Variants in GTPBP1 observed in about 807,000 individuals in gnomAD.
The protein encoded by GTPBP1 is GTP-binding protein 1.
GTPBP1 carries 23 observed loss-of-function variants against 62.0 expected under a neutral mutation model. The ratio of observed to expected loss-of-function variants is 0.37; its 90% confidence interval spans 0.27 to 0.53. The LOEUF (loss-of-function observed/expected upper bound fraction) is 0.53. Ranked by LOEUF, GTPBP1 falls within the 20% of genes least tolerant of loss-of-function variation. The pLI is 0.89. For missense variants in GTPBP1, 640 were observed against 917.3 expected (o/e 0.70, Z 3.90); for synonymous variants, 344 against 364.4 (o/e 0.94, Z 0.64).
At chr22:38,740,165 C>G (rs2092842415), downstream of GTPBP1, 1 of 1,396,852 alleles carries the variant, frequency 7.2e-7, no homozygotes, top group Admixed American at 2.8e-5. This position sits in a 1 kb window ranked among gnomAD's most constrained non-coding sequence, Gnocchi z 4.8. Context: ...TTGGGCATAA[C>G]AGAGGCTGCA....
chr22:38,742,374 A>G, downstream of GTPBP1: 1 of 1,613,138 alleles, frequency 6.2e-7, no homozygotes, highest in Non-Finnish European at 8.5e-7. Flanking sequence ...TAGCCCCTCC[A>G]GCAGCGCCAG....
In GTPBP1 at chr22:38,733,327, GCAGTACTTGC is replaced by G. The variant is rs2092773285; in HGVS notation, c.*2627_*2636del. The G allele has an allele frequency of 6.6e-6, 1 of 152,290 alleles. No individual in the cohort carries two copies. Among genetic ancestry groups the G allele is most frequent in the Admixed American group, 6.5e-5 (1 of 15,288 alleles). The allele number at this position is 152,290 out of a possible 1,614,324, so 9.4% of individuals were successfully genotyped here. A position where few individuals can be genotyped will look rare whatever the true frequency, so the allele number is the denominator to read the frequency against. On this transcript the variant is annotated 3_prime_UTR_variant, in exon 12 of 12. Coordinates refer to ENST00000216044, the MANE Select transcript of GTPBP1 (RefSeq NM_004286.5). ...AACTCTTTGCCCCTACAAACAAACA[GCAGTACTTGC>G]CAGAACCATTCTTGGGATTCAGGAG...
chr22:38,714,813 A>C (rs544968131), intron 2 of GTPBP1, among the ~76,000 whole-genome samples: 105 of 152,262 alleles, frequency 6.9e-4, no homozygotes, highest in Non-Finnish European at 1.3e-3. Context: ...GGGTGCTCTC[A>C]GAGACAGGAC....
rs748180989 is a variant in GTPBP1, at chr22:38,708,941, A to C, written c.289A>C (p.Ile97Leu). The C allele has an allele frequency of 2.1e-5, 33 of 1,582,224 alleles. No individual in the cohort carries two copies. The highest frequency in any genetic ancestry group is 8.7e-6 in the Non-Finnish European group (10 of 1,150,938). Residue 97 changes from isoleucine to leucine, a missense_variant, in exon 2 of 12, where the codon ATT becomes CTT. Physicochemically the swap from Ile to Leu is conservative, Grantham distance 5. Around this residue, in one of 4 missense-constraint regions of GTPBP1, gnomAD observed 215 missense variants for 235.1 expected, o/e 0.91. Transcript: ENST00000216044. ...DEGCGETIYV[I>L]GQGSDGTEYG... ...GGGATGCGGAGAGACCATATATGTC[A>C]TTGGGCAGGGATCAGGTGAGCATAG...
intron 4 of GTPBP1, 57 bp from the exon 5 acceptor site, chr22:38,721,685 A>C: frequency 6.4e-7 from 1 of 1,552,842 alleles, no homozygotes. Flanking sequence ...CCCTGTGTCC[A>C]CCCAGCAGCA....
At chr22:38,711,345 A>G (rs963006772) in intron 2 of GTPBP1, among the ~76,000 whole-genome samples, 2 of 152,174 alleles carry the variant, frequency 1.3e-5, no homozygotes, top group Non-Finnish European at 2.9e-5. Context: ...AGGATCTGGA[A>G]CCTGGCAGGC....
intron 4 of GTPBP1, 64 bp downstream of exon 4, chr22:38,717,064 A>G: frequency 9.9e-7 from 1 of 1,013,930 alleles, no homozygotes; most frequent in South Asian, 1.4e-5. Flanking sequence ...GGTTATGTGC[A>G]AGTCTGAAAC....
chr22:38,710,448 G>A (rs372219691), intron 2 of GTPBP1, among the ~76,000 whole-genome samples: 1 of 152,246 alleles, frequency 6.6e-6, no homozygotes, highest in Middle Eastern at 3.4e-3. Flanking sequence ...AATATCTTTC[G>A]TATCTGTTCT....
rs147914462 is a variant in GTPBP1 at position 38,729,499 on chromosome 22, A to G, written c.1754A>G (p.Lys585Arg). The change falls in exon 11 of 12, where the codon AAG becomes AGG. Residue 585 changes from lysine to arginine, a missense_variant. Physicochemically the swap from Lys to Arg is conservative, Grantham distance 26. This residue lies in a region of GTPBP1 where 220 missense variants were observed against 358.1 expected (regional missense o/e 0.61). Coordinates refer to ENST00000216044, the MANE Select transcript of GTPBP1 (RefSeq NM_004286.5). The part of the protein sequence containing the change: ...QTTNNSPMNS[K>R]PQQIKMQSTK... The stretch of plus-strand genomic sequence containing the variant: ...ACCAACAACTCCCCAATGAACTCCA[A>G]GCCGCAGCAGATTAAAATGCAGTCG... The G allele has an allele frequency of 4.3e-6, 7 of 1,609,336 alleles. No homozygotes were observed. The African/African-American group carries it at 8.1e-5, about 19-fold the overall frequency.
chr22:38,711,639 C>T (rs868551720), intron 2 of GTPBP1, among the ~76,000 whole-genome samples: 5 of 152,002 alleles, frequency 3.3e-5, no homozygotes, highest in Admixed American at 3.3e-4. Flanking sequence ...GCCAGGAGTT[C>T]GAGACCAGCC....
downstream of GTPBP1, chr22:38,737,841 C>A: frequency 1.9e-6 from 1 of 522,812 alleles, no homozygotes; most frequent in Non-Finnish European, 3.8e-6. The surrounding 1 kb of genome is among the most constrained non-coding windows in gnomAD (Gnocchi z 4.1). Context: ...GTAGAATGCC[C>A]GCGCCCTGGC....
chr22:38,739,280 G>C, downstream of GTPBP1: 1 of 1,550,260 alleles, frequency 6.5e-7, no homozygotes, highest in East Asian at 2.2e-5. This position sits in a 1 kb window ranked among gnomAD's most constrained non-coding sequence, Gnocchi z 6.7. Flanking sequence ...CCTGGTAGAT[G>C]CCAGGGGACC....
chr22:38,708,254 AT>A (rs1488079177), intron 1 of GTPBP1, among the ~76,000 whole-genome samples: 1 of 152,210 alleles, frequency 6.6e-6, no homozygotes, highest in East Asian at 1.9e-4. Flanking sequence ...CTTCAATGTT[AT>A]TGGCAGACAT....
At chr22:38,742,161 GAAAA>G (rs1168879547), downstream of GTPBP1, 13 of 1,058,782 alleles carry the variant, frequency 1.2e-5, no homozygotes, top group Admixed American at 6.2e-5. Flanking sequence ...AAAAAAAAAA[GAAAA>G]AAAGAGAAAG....
intron 2 of GTPBP1, among the ~76,000 whole-genome samples, chr22:38,709,690 T>C (rs906813516): frequency 6.6e-6 from 1 of 152,236 alleles, no homozygotes; most frequent in Non-Finnish European, 1.5e-5. Context: ...GTGATTCTTC[T>C]TGGTGTCAGC....
chr22:38,715,896 C>G lies in GTPBP1; in HGVS notation c.305-11C>G. ...TCCCTCTCCTGCTGATGTCTGGGCT[C>G]TTGTCACCAGATGGGACTGAGTATG... On this transcript the variant is annotated splice_polypyrimidine_tract_variant and intron_variant, in intron 2 of 11. Transcript: ENST00000216044. The G allele has an allele frequency of 1.3e-6, 2 of 1,596,554 alleles. No homozygotes were observed. The highest frequency in any genetic ancestry group is 1.3e-5 in the African/African-American group (1 of 74,144).
intron 10 of GTPBP1, chr22:38,728,751 G>A (rs1460715329): frequency 2.6e-5 from 4 of 155,346 alleles, no homozygotes; most frequent in African/African-American, 9.6e-5. Context: ...TCACCCTGGG[G>A]CTACAGATGT....
Position 38,730,310 on chromosome 22 carries a change from C to T in GTPBP1, c.1918-302C>T, listed in dbSNP as rs755269280. Among the ~76,000 whole-genome samples the T allele has an allele frequency of 2.5e-4, 38 of 152,318 alleles. No homozygotes were observed. Among genetic ancestry groups the T allele is most frequent in the Non-Finnish European group, 3.7e-4 (25 of 68,012 alleles). On this transcript the variant is annotated intron_variant, in intron 11 of 11. Coordinates refer to ENST00000216044, the MANE Select transcript of GTPBP1 (RefSeq NM_004286.5). The surrounding 1 kb of genome is among the most constrained non-coding windows in gnomAD (Gnocchi z 5.6). ...CCATGGGTCTTTCCTCTGGTTCGTT[C>T]GCTTCCTTTCTCTCTCTCCTGCTCT...
intron 2 of GTPBP1, among the ~76,000 whole-genome samples, 155 bp from the exon 3 acceptor site, chr22:38,715,752 C>G (rs2092666116): frequency 6.6e-6 from 1 of 151,898 alleles, no homozygotes; most frequent in African/African-American, 2.4e-5. Context: ...TGGTGTGTGC[C>G]CAGGTTTTCT....
Sources: gnomAD v4.1 joint callset for allele counts (sites outside exome capture counted in the v4.1 genomes callset) on GRCh38, gnomAD v4.1.1 for gene constraint, gnomAD v4.1.1 regional missense constraint, Gnocchi (gnomAD v3.1) non-coding constraint, MANE v1.5 for transcripts, NCBI Gene and HGNC (gene_info 2026-07-23, HGNC 2026-07-21) for gene names.